AHCYL2: variants seen among roughly 807,000 people sequenced by gnomAD.
AHCYL2 encodes adenosylhomocysteinase like 2.
A neutral mutation model predicts 81.4 loss-of-function variants in AHCYL2; 28 were observed. The observed-to-expected ratio is 0.34, with a 90% confidence interval of 0.25 to 0.47. AHCYL2 has a LOEUF of 0.47. Among genes scored for constraint, AHCYL2 ranks in the 20% least tolerant of loss-of-function variants. AHCYL2 has a pLI of 1.00. For synonymous variants in AHCYL2, 272 were observed against 290.2 expected (o/e 0.94, Z 0.64); for missense variants, 551 against 785.1 (o/e 0.70, Z 3.56).
intron 2 of AHCYL2, among the ~76,000 whole-genome samples, chr7:129,380,759 A>T (rs190001444): frequency 9.8e-5 from 15 of 152,292 alleles, no homozygotes; most frequent in East Asian, 7.7e-4. Flanking sequence ...ACAAGATTTG[A>T]GACAGGGTCT....
intron 5 of AHCYL2, among the ~76,000 whole-genome samples, chr7:129,399,463 AG>A (rs1795919915): frequency 6.6e-6 from 1 of 152,028 alleles, no homozygotes; most frequent in Non-Finnish European, 1.5e-5. Context: ...AAAAAAGAAA[AG>A]AAAAGTTAAG....
At chr7:129,326,606 C>T (rs1487196835) in intron 1 of AHCYL2, among the ~76,000 whole-genome samples, 1 of 152,082 alleles carries the variant, frequency 6.6e-6, no homozygotes, top group East Asian at 1.9e-4. Context: ...ACTACTTGAA[C>T]TCCTATTCTT....
chr7:129,319,907 T>C (rs1427029644), intron 1 of AHCYL2, among the ~76,000 whole-genome samples: 1 of 143,696 alleles, frequency 7.0e-6, no homozygotes, highest in African/African-American at 2.5e-5. Flanking sequence ...TATGCTTTCA[T>C]TTTTTTTTTT....
At chr7:129,243,133 G>T (rs1349008789) in intron 1 of AHCYL2, among the ~76,000 whole-genome samples, 2 of 148,174 alleles carry the variant, frequency 1.3e-5, no homozygotes, top group Non-Finnish European at 1.5e-5. Flanking sequence ...CAATTCTCCT[G>T]CCTCAGCCTC....
chr7:129,402,038 G>A (rs946798378), intron 6 of AHCYL2, among the ~76,000 whole-genome samples: 1 of 152,186 alleles, frequency 6.6e-6, no homozygotes, highest in Non-Finnish European at 1.5e-5. Flanking sequence ...CTTAGAGACA[G>A]CAACTACTGT....
At chr7:129,343,509 A>G (rs963225473) in intron 1 of AHCYL2, among the ~76,000 whole-genome samples, 12 of 152,168 alleles carry the variant, frequency 7.9e-5, no homozygotes, top group Non-Finnish European at 2.9e-5. Flanking sequence ...GCTTAGAGCA[A>G]TGGGAAGTTC....
intron 1 of AHCYL2, among the ~76,000 whole-genome samples, chr7:129,238,755 A>C (rs1466094654): frequency 6.6e-6 from 1 of 152,166 alleles, no homozygotes; most frequent in Non-Finnish European, 1.5e-5. Context: ...GTTTGAAACT[A>C]GCTTGACCAA....
At chr7:129,239,758 A>G (rs914959946) in intron 1 of AHCYL2, among the ~76,000 whole-genome samples, 20 of 152,114 alleles carry the variant, frequency 1.3e-4, no homozygotes, top group African/African-American at 4.6e-4. Context: ...AAAAATAAAC[A>G]GGCACAGATA....
At chr7:129,374,977 A>G (rs1473339422) in intron 1 of AHCYL2, among the ~76,000 whole-genome samples, 1 of 151,930 alleles carries the variant, frequency 6.6e-6, no homozygotes, top group African/African-American at 2.4e-5. Flanking sequence ...AAATCAGCAA[A>G]TAAATAATGT....
chr7:129,234,996 G>A (rs1377905250), intron 1 of AHCYL2, among the ~76,000 whole-genome samples: 2 of 152,088 alleles, frequency 1.3e-5, no homozygotes, highest in Admixed American at 6.5e-5. Context: ...TGCTATATGT[G>A]CTTTTTTCCT....
chr7:129,388,272 A>C (rs1795292711), intron 2 of AHCYL2: 1 of 152,214 alleles, frequency 6.6e-6, no homozygotes, highest in African/African-American at 2.4e-5. Context: ...TCCTATGAAG[A>C]CTAAAAAGAC....
rs1173849513 is a variant in AHCYL2 at position 129,419,356 on chromosome 7, C to G, written c.1462-3484C>G. Among the ~76,000 whole-genome samples the G allele has an allele frequency of 2.0e-5, 3 of 152,084 alleles. No homozygotes were observed. Among genetic ancestry groups the G allele is most frequent in the Non-Finnish European group, 4.4e-5 (3 of 68,030 alleles). Reference sequence around the variant, plus strand: ...GGATCATGAGGTCAGGAGTTCAAGACCAGCCTGACCAACATGGTGAAACGC... The same window carrying G: ...GGATCATGAGGTCAGGAGTTCAAGAGCAGCCTGACCAACATGGTGAAACGC... On this transcript the variant is annotated intron_variant, in intron 12 of 16. Coordinates refer to ENST00000325006, the MANE Select transcript of AHCYL2 (RefSeq NM_015328.4). This position sits in a 1 kb window ranked among gnomAD's most constrained non-coding sequence, Gnocchi z 4.7.
At chr7:129,278,767 T>TC (rs1490333547) in intron 1 of AHCYL2, among the ~76,000 whole-genome samples, 1 of 149,804 alleles carries the variant, frequency 6.7e-6, no homozygotes, top group Admixed American at 6.6e-5. Context: ...GAAGCTCTTT[T>TC]TTTTTTTTTT....
At chr7:129,289,374 A>G (rs1219303433) in intron 1 of AHCYL2, among the ~76,000 whole-genome samples, 1 of 152,210 alleles carries the variant, frequency 6.6e-6, no homozygotes, top group Non-Finnish European at 1.5e-5. Context: ...TTGCGGGCGC[A>G]AGCCACCTCG....
chr7:129,267,454 G>A (rs1286544914), intron 1 of AHCYL2, among the ~76,000 whole-genome samples: 2 of 152,010 alleles, frequency 1.3e-5, no homozygotes, highest in African/African-American at 4.8e-5. Context: ...GTAGGTGCCT[G>A]CCACCATGCC....
intron 1 of AHCYL2, among the ~76,000 whole-genome samples, chr7:129,379,018 T>C (rs1351120755): frequency 6.6e-6 from 1 of 152,144 alleles, no homozygotes; most frequent in Admixed American, 6.5e-5. Context: ...CACTGGCTCA[T>C]GCCTATAATC....
chr7:129,419,305 C>T lies in AHCYL2; in HGVS notation c.1462-3535C>T, dbSNP rs1440130758. ...GTGTGGTGGCTCACGCCTGTAATCC[C>T]AGCACTTTGGGAGGCTGAGGCAGGC... On this transcript the variant is annotated intron_variant, in intron 12 of 16. Transcript: ENST00000325006. This position sits in a 1 kb window ranked among gnomAD's most constrained non-coding sequence, Gnocchi z 4.7. Among the ~76,000 whole-genome samples the T allele has an allele frequency of 2.0e-5, 3 of 152,074 alleles. No individual in the cohort carries two copies. Among genetic ancestry groups the T allele is most frequent in the Non-Finnish European group, 4.4e-5 (3 of 68,020 alleles).
At position 129,389,071 on chromosome 7, in the gene AHCYL2, A is replaced by T. The variant is rs1025481592; in HGVS notation, c.491A>T (p.Asp164Val). 6.2e-7 allele frequency: 1 copy of T among 1,613,424 alleles called. No homozygotes were observed. The highest frequency in any genetic ancestry group is 8.5e-7 in the Non-Finnish European group (1 of 1,179,776). The part of the protein sequence containing the change: ...DSYSSAASYT[D>V]SSDDETSPRD... ...GTCATTCCAGCGGCTTCATATACAG[A>T]TAGCTCTGATGATGAGACATCGCCC... The change falls in exon 3 of 17, where the codon GAT becomes GTT. Residue 164 changes from aspartate to valine, a missense_variant. By Grantham distance (152) the Asp-to-Val change is radical. Transcript: ENST00000325006.
At chr7:129,269,965 ACTACTCACTTTCTAG>A (rs1241431506) in intron 1 of AHCYL2, among the ~76,000 whole-genome samples, 1 of 152,116 alleles carries the variant, frequency 6.6e-6, no homozygotes, top group African/African-American at 2.4e-5. Context: ...GCTCCTATCT[ACTACTCACTTTCTAG>A]CTAAAGTGTT....
Sources: gnomAD v4.1 joint callset for allele counts (sites outside exome capture counted in the v4.1 genomes callset) on GRCh38, gnomAD v4.1.1 for gene constraint, Gnocchi (gnomAD v3.1) non-coding constraint, MANE v1.5 for transcripts, NCBI Gene and HGNC (gene_info 2026-07-23, HGNC 2026-07-21) for gene names.